CIT: variants seen among roughly 807,000 people sequenced by gnomAD.
The protein encoded by CIT is citron Rho-interacting kinase.
CIT carries 79 observed loss-of-function variants against 272.7 expected under a neutral mutation model. The observed-to-expected ratio is 0.29, with a 90% confidence interval of 0.24 to 0.35. CIT has a LOEUF of 0.35. Ranked by LOEUF, CIT falls within the 10% of genes least tolerant of loss-of-function variation. The pLI, the probability that CIT is intolerant of heterozygous loss-of-function variation, is 1.00. For synonymous variants in CIT, 948 were observed against 995.6 expected (o/e 0.95, Z 0.90); for missense variants, 1,909 against 2,618.3 (o/e 0.73, Z 5.91).
chr12:119,868,666 C>A (rs1387062684), intron 3 of CIT, among the ~76,000 whole-genome samples: 1 of 152,140 alleles, frequency 6.6e-6, no homozygotes, highest in Non-Finnish European at 1.5e-5. Context: ...GCCTCCTCAG[C>A]AGCTGGGACC....
chr12:119,708,110 C>T lies in CIT; in HGVS notation c.5211+69G>A, dbSNP rs1033518357. Reference sequence around the variant, plus strand: ...CTATCTTGAAGGTCAAATCAACGAGCTCTGTGGGAAGAGAGGTAGTGTCAA... The same window carrying T: ...CTATCTTGAAGGTCAAATCAACGAGTTCTGTGGGAAGAGAGGTAGTGTCAA... On this transcript the variant is annotated intron_variant, in intron 40 of 47. Coordinates refer to ENST00000392521, the MANE Select transcript of CIT (RefSeq NM_001206999.2). 9 of 1,407,540 alleles carry T rather than the reference C, an allele frequency of 6.4e-6. No homozygotes were observed. In the African/African-American group the frequency reaches 1.3e-4, roughly 21 times the overall value. The allele number at this position is 1,407,540 out of a possible 1,614,324, so 87.2% of individuals were successfully genotyped here. A position where few individuals can be genotyped will look rare whatever the true frequency, so the allele number is the denominator to read the frequency against.
At position 119,834,265 on chromosome 12, in the gene CIT, C is replaced by T. The variant is rs767500976; in HGVS notation, c.517-37G>A. 9.1e-6 allele frequency: 14 copies of T among 1,543,000 alleles called. No homozygotes were observed. The East Asian group carries it at 2.1e-4, about 23-fold the overall frequency. ...GCCAAAGTTATTAATTCTTCACACA[C>T]CCAAAAATAGGGAATGCCTCAATTA... is the stretch of plus-strand genomic sequence containing the variant. On this transcript the variant is annotated intron_variant, in intron 5 of 47. Transcript: ENST00000392521.
chr12:119,862,861 C>T (rs1396149229), intron 3 of CIT, among the ~76,000 whole-genome samples: 2 of 40,352 alleles, frequency 5.0e-5, no homozygotes, highest in Non-Finnish European at 9.9e-5. Flanking sequence ...AAAAAAAAAA[C>T]GAGGTAGGAC....
intron 10 of CIT, among the ~76,000 whole-genome samples, chr12:119,795,592 T>G (rs991918932): frequency 3.3e-5 from 5 of 152,154 alleles, no homozygotes; most frequent in African/African-American, 9.7e-5. Context: ...TTAAAACCAA[T>G]TCTTTTACCT....
At chr12:119,789,312 G>C (rs1052695637) in intron 10 of CIT, among the ~76,000 whole-genome samples, 5 of 152,178 alleles carry the variant, frequency 3.3e-5, no homozygotes, top group Non-Finnish European at 2.9e-5. Flanking sequence ...TTAGTTCCAT[G>C]TAGCATTTTG....
At chr12:119,819,402 C>T (rs771053599) in intron 9 of CIT, among the ~76,000 whole-genome samples, 1 of 152,104 alleles carries the variant, frequency 6.6e-6, no homozygotes, top group African/African-American at 2.4e-5. Flanking sequence ...AAAGCAAAGG[C>T]GCATCCTAGT....
At chr12:119,847,578 G>C (rs1344225200) in intron 5 of CIT, among the ~76,000 whole-genome samples, 1 of 149,490 alleles carries the variant, frequency 6.7e-6, no homozygotes, top group Non-Finnish European at 1.5e-5. Flanking sequence ...TGGTGACAGA[G>C]AAAGACTCCA....
chr12:119,751,932 G>T, intron 23 of CIT, 118 bp downstream of exon 23: 1 of 897,188 alleles, frequency 1.1e-6, no homozygotes, highest in Non-Finnish European at 1.6e-6. Context: ...GAATATCTTT[G>T]TGGATCATGT....
At chr12:119,858,601 A>T (rs931751988) in intron 3 of CIT, among the ~76,000 whole-genome samples, 10 of 152,048 alleles carry the variant, frequency 6.6e-5, no homozygotes, top group African/African-American at 2.4e-4. Flanking sequence ...CGGGTGGATC[A>T]CAAGGTCAGG....
chr12:119,760,726 T>C (rs1423711942), intron 20 of CIT, among the ~76,000 whole-genome samples: 1 of 151,512 alleles, frequency 6.6e-6, no homozygotes, highest in African/African-American at 2.4e-5. Context: ...CAGCATGAGT[T>C]CTTGAAAAAC....
rs1309063434 is a variant in CIT at position 119,760,984 on chromosome 12, C to T, written c.2376G>A (p.Glu792=). ...TTTTGCCCTTCTCATGGGCCTCCTCCTCGTGTCTCTGCATCATGTTCTCCA... is the reference window on the plus strand; with the variant it reads ...TTTTGCCCTTCTCATGGGCCTCCTCTTCGTGTCTCTGCATCATGTTCTCCA... The part of the protein sequence containing the change: ...ETLENMMQRH[E]EEAHEKGKIL... The change falls in exon 20 of 48, where the codon GAG becomes GAA. Residue 792 remains glutamate, a synonymous_variant. Coordinates refer to ENST00000392521, the MANE Select transcript of CIT (RefSeq NM_001206999.2). The T allele has an allele frequency of 6.2e-7, 1 of 1,614,204 alleles. No homozygotes were observed. Among genetic ancestry groups the T allele is most frequent in the East Asian group, 2.2e-5 (1 of 44,888 alleles).
intron 16 of CIT, among the ~76,000 whole-genome samples, chr12:119,775,280 A>AT (rs1963634560): frequency 6.6e-6 from 1 of 152,070 alleles, no homozygotes; most frequent in South Asian, 2.1e-4. Context: ...CTCAAAAAAA[A>AT]ATTTTTTTTA....
chr12:119,779,570 C>T (rs1225884395), intron 13 of CIT, among the ~76,000 whole-genome samples: 1 of 152,210 alleles, frequency 6.6e-6, no homozygotes. Context: ...GTCCTGGCTA[C>T]AGGCATGGAC....
chr12:119,716,363 A>G (rs112902185), intron 32 of CIT, among the ~76,000 whole-genome samples: 4,525 of 116,252 alleles, frequency 0.039, 143 homozygotes, highest in African/African-American at 0.08. Flanking sequence ...TGGGCGACAG[A>G]GCGAGACTCT....
At chr12:119,777,125 C>T (rs1043667525) in intron 13 of CIT, among the ~76,000 whole-genome samples, 3 of 151,826 alleles carry the variant, frequency 2.0e-5, no homozygotes, top group East Asian at 2.0e-4. Context: ...TGTGGTGGTG[C>T]GGGCCTATAG....
chr12:119,823,273 A>T (rs1430340086), intron 8 of CIT, among the ~76,000 whole-genome samples: 1 of 152,090 alleles, frequency 6.6e-6, no homozygotes, highest in Non-Finnish European at 1.5e-5. Context: ...AACAATGATG[A>T]GCTATTTAAA....
chr12:119,863,529 TTTTG>T (rs1172592528), intron 3 of CIT, among the ~76,000 whole-genome samples: 6 of 152,072 alleles, frequency 3.9e-5, no homozygotes, highest in African/African-American at 1.2e-4. Context: ...TTTTTGTTTT[TTTTG>T]TTTGTTTGTT....
At chr12:119,757,861 G>A (rs1961225863) in intron 21 of CIT, among the ~76,000 whole-genome samples, 1 of 152,222 alleles carries the variant, frequency 6.6e-6, no homozygotes, top group Non-Finnish European at 1.5e-5. Flanking sequence ...GTCTGTGTAG[G>A]GACAGAAGGG....
intron 32 of CIT, among the ~76,000 whole-genome samples, chr12:119,717,224 G>A (rs2137106759): frequency 6.6e-6 from 1 of 151,886 alleles, no homozygotes; most frequent in African/African-American, 2.4e-5. Context: ...GGCTAATTTT[G>A]TATTTTTAGT....
Sources: allele counts gnomAD v4.1 joint callset (sites outside exome capture counted in the v4.1 genomes callset), GRCh38; gene constraint gnomAD v4.1.1; transcripts MANE v1.5; gene names NCBI Gene and HGNC (gene_info 2026-07-23, HGNC 2026-07-21).